The following WDPCP variants were observed in gnomAD, a reference collection of about 807,000 sequenced individuals.
The protein encoded by WDPCP is WD repeat containing planar cell polarity effector.
In WDPCP, 71 loss-of-function variants were observed where a neutral mutation model predicts 93.1. That is an observed-to-expected ratio of 0.76 (90% CI 0.63 to 0.93). The LOEUF (loss-of-function observed/expected upper bound fraction) is 0.93. Among genes scored for constraint, WDPCP ranks in the 40% least tolerant of loss-of-function variants. The pLI is 0.00. For missense variants in WDPCP, 844 were observed against 887.4 expected (o/e 0.95, Z 0.62); for synonymous variants, 315 against 315.0 (o/e 1.00, Z 0.00).
intron 2 of WDPCP, among the ~76,000 whole-genome samples, chr2:63,681,244 T>C (rs1443903683): frequency 2.0e-5 from 3 of 152,046 alleles, no homozygotes; most frequent in Non-Finnish European, 4.4e-5. Flanking sequence ...GCTCTTAGAG[T>C]TCCCAGTTCC....
intron 10 of WDPCP, among the ~76,000 whole-genome samples, chr2:63,387,125 C>T (rs1212179803): frequency 6.6e-6 from 1 of 152,064 alleles, no homozygotes; most frequent in Non-Finnish European, 1.5e-5. Context: ...GACTCCCTAA[C>T]TCATTCTATG....
intron 6 of WDPCP, among the ~76,000 whole-genome samples, chr2:63,453,875 A>G (rs897702223): frequency 6.8e-6 from 1 of 146,960 alleles, no homozygotes; most frequent in Non-Finnish European, 1.5e-5. Context: ...GTTCTCACTC[A>G]TAGGTGGGAA....
At chr2:63,715,211 T>C (rs1669320318) in intron 2 of WDPCP, among the ~76,000 whole-genome samples, 1 of 152,248 alleles carries the variant, frequency 6.6e-6, no homozygotes, top group Non-Finnish European at 1.5e-5. Flanking sequence ...ATATAGATGG[T>C]AGTTGCAAAA....
chr2:63,425,265 A>G lies in WDPCP; in HGVS notation c.825+8480T>C, dbSNP rs1696185345. On this transcript the variant is annotated intron_variant, in intron 9 of 17. Transcript: ENST00000272321. ...ACAGCAAATCCAAAAAGACAATACC[A>G]GCCCGCTCAGATGAGAAAGGATCCG... Among the ~76,000 whole-genome samples the G allele has an allele frequency of 2.6e-5, 4 of 152,338 alleles. No homozygotes were observed. The South Asian group carries it at 8.3e-4, about 32-fold the overall frequency.
chr2:63,541,302 A>G (rs1431580578), intron 1 of WDPCP, among the ~76,000 whole-genome samples: 1 of 152,196 alleles, frequency 6.6e-6, no homozygotes, highest in Non-Finnish European at 1.5e-5. Context: ...AATGGGCTTC[A>G]GTAGTCCTTT....
intron 1 of WDPCP, among the ~76,000 whole-genome samples, chr2:63,553,537 T>C (rs889722279): frequency 2.6e-5 from 4 of 152,162 alleles, no homozygotes; most frequent in Non-Finnish European, 5.9e-5. Context: ...AATATCAACA[T>C]GTCTCATGTT....
At position 63,191,317 on chromosome 2, in the gene WDPCP, G is replaced by A. The variant is rs555631706; in HGVS notation, c.1916-16485C>T. 1.1e-4 allele frequency among the ~76,000 whole-genome samples: 16 copies of A among 152,170 alleles called. No individual in the cohort carries two copies. In the East Asian group the frequency reaches 1.4e-3, roughly 13 times the overall value. On this transcript the variant is annotated intron_variant, in intron 14 of 17. Coordinates refer to ENST00000272321, the MANE Select transcript of WDPCP (RefSeq NM_015910.7). ...TGAGGCAGGAGAATGGCGTGAACCC[G>A]GGAGGCGGAGCTTGCAGTGAGCTGA...
intron 13 of WDPCP, among the ~76,000 whole-genome samples, chr2:63,276,707 A>C (rs1429378674): frequency 6.6e-6 from 1 of 152,234 alleles, no homozygotes; most frequent in African/African-American, 2.4e-5. Context: ...ATGTGAAGAA[A>C]GCCTATAAGA....
intron 10 of WDPCP, among the ~76,000 whole-genome samples, chr2:63,395,020 T>G (rs1558569100): frequency 6.6e-6 from 1 of 151,960 alleles, no homozygotes; most frequent in Non-Finnish European, 1.5e-5. Context: ...AACCTGCACA[T>G]GTACCTCTGA....
chr2:63,602,687 T>A (rs1035190316), intron 3 of WDPCP, among the ~76,000 whole-genome samples: 2 of 152,152 alleles, frequency 1.3e-5, no homozygotes, highest in Non-Finnish European at 2.9e-5. Context: ...CTCTCCCTTA[T>A]GGTCACACCA....
chr2:63,745,968 T>G (rs1050133123), intron 2 of WDPCP, among the ~76,000 whole-genome samples: 6 of 152,202 alleles, frequency 3.9e-5, no homozygotes, highest in Admixed American at 1.3e-4. Flanking sequence ...AATATCTCAT[T>G]GTATTTGCAT....
intron 14 of WDPCP, among the ~76,000 whole-genome samples, chr2:63,205,229 G>T (rs1020869923): frequency 5.9e-5 from 9 of 152,082 alleles, no homozygotes; most frequent in African/African-American, 2.2e-4. Flanking sequence ...GTACCATGTT[G>T]TTTTGGTTAC....
At chr2:63,795,947 C>A (rs935602467) in intron 2 of WDPCP, among the ~76,000 whole-genome samples, 3 of 152,208 alleles carry the variant, frequency 2.0e-5, no homozygotes, top group Non-Finnish European at 4.4e-5. Context: ...AGATTGGTCT[C>A]TCCAAAGAGG....
At chr2:63,599,305 T>C (rs1575723600) in intron 3 of WDPCP, 1 of 1,606,202 alleles carries the variant, frequency 6.2e-7, no homozygotes, top group East Asian at 2.2e-5. Flanking sequence ...AAGAAAAATA[T>C]ATTTTAAATC....
At chr2:63,384,135 A>C (rs887171897) in intron 10 of WDPCP, among the ~76,000 whole-genome samples, 1 of 152,198 alleles carries the variant, frequency 6.6e-6, no homozygotes, top group African/African-American at 2.4e-5. Context: ...TTTTAATTGA[A>C]TTAAAGTAAG....
chr2:63,685,319 A>G (rs1486542779), intron 2 of WDPCP, among the ~76,000 whole-genome samples: 1 of 152,232 alleles, frequency 6.6e-6, no homozygotes, highest in Non-Finnish European at 1.5e-5. Context: ...AGTGGCTACT[A>G]TGAGCAACTT....
At chr2:63,433,011 A>C (rs539925418) in intron 9 of WDPCP, among the ~76,000 whole-genome samples, 25 of 152,326 alleles carry the variant, frequency 1.6e-4, no homozygotes, top group African/African-American at 5.8e-4. Context: ...CCTACATAAG[A>C]AAGTGGGGGA....
At chr2:63,261,939 G>A (rs1225363533) in intron 13 of WDPCP, among the ~76,000 whole-genome samples, 1 of 152,130 alleles carries the variant, frequency 6.6e-6, no homozygotes, top group African/African-American at 2.4e-5. Context: ...GTGAAAAACT[G>A]GGGGCAACTA....
chr2:63,636,211 A>C (rs1709919280), intron 3 of WDPCP, among the ~76,000 whole-genome samples: 1 of 152,238 alleles, frequency 6.6e-6, no homozygotes, highest in South Asian at 2.1e-4. Flanking sequence ...CATTGAAGAC[A>C]TAAACAAATG....
Sources: gnomAD v4.1 joint callset for allele counts (sites outside exome capture counted in the v4.1 genomes callset) on GRCh38, gnomAD v4.1.1 for gene constraint, MANE v1.5 for transcripts, NCBI Gene and HGNC (gene_info 2026-07-23, HGNC 2026-07-21) for gene names.